LOXL2: variants seen among roughly 807,000 people sequenced by gnomAD.
LOXL2 encodes lysyl oxidase homolog 2.
A neutral mutation model predicts 93.0 loss-of-function variants in LOXL2; 70 were observed. That is an observed-to-expected ratio of 0.75 (90% CI 0.62 to 0.92). The LOEUF is 0.92. LOXL2 is among the 40% of genes least tolerant of loss of function. LOXL2 has a pLI of 0.00. For missense variants in LOXL2, 973 were observed against 1,054.9 expected, an observed-to-expected ratio of 0.92 and a Z score of 1.08; for synonymous variants, 438 against 413.2, an observed-to-expected ratio of 1.06 and a Z score of -0.73.
chr8:23,400,292 G>A (rs1022835700), intron 1 of LOXL2, among the ~76,000 whole-genome samples: 3 of 152,172 alleles, frequency 2.0e-5, no homozygotes, highest in Non-Finnish European at 2.9e-5. Context: ...AATGCCACAT[G>A]GCTGGGGAGG....
intron 9 of LOXL2, chr8:23,316,617 G>A (rs985757090): frequency 3.5e-6 from 1 of 285,898 alleles, no homozygotes; most frequent in African/African-American, 2.2e-5. Context: ...ACCCATGGAA[G>A]ATGTCATCGA....
At chr8:23,326,854 C>A (rs61298918) in intron 6 of LOXL2, among the ~76,000 whole-genome samples, 4 of 152,206 alleles carry the variant, frequency 2.6e-5, no homozygotes, top group African/African-American at 9.6e-5. Flanking sequence ...CAGAGTGCAC[C>A]CCAGACCTCC....
intron 1 of LOXL2, among the ~76,000 whole-genome samples, chr8:23,383,580 A>G (rs950748006): frequency 2.7e-5 from 4 of 148,954 alleles, no homozygotes; most frequent in African/African-American, 1.0e-4. Flanking sequence ...ATTCCTTGTC[A>G]TTTTTCATAT....
chr8:23,401,491 T>C (rs1294090158), intron 1 of LOXL2, among the ~76,000 whole-genome samples: 1 of 152,180 alleles, frequency 6.6e-6, no homozygotes, highest in Non-Finnish European at 1.5e-5. Context: ...ACATGATGTA[T>C]AGGATTTGCT....
rs996548909 is a variant in LOXL2 at position 23,378,028 on chromosome 8, C to T, written c.-83-9594G>A. 2.0e-5 allele frequency among the ~76,000 whole-genome samples: 3 copies of T among 152,156 alleles called. No homozygotes were observed. The East Asian group carries it at 5.8e-4, about 29-fold the overall frequency. On this transcript the variant is annotated intron_variant, in intron 1 of 13. Transcript: ENST00000389131. Reference sequence around the variant, plus strand: ...GCTCATTAGTTGATGTAGTTTCTTCCTAGCATCAATGGTCTTTACAATTTG... The same window carrying T: ...GCTCATTAGTTGATGTAGTTTCTTCTTAGCATCAATGGTCTTTACAATTTG...
At position 23,328,331 on chromosome 8, in the gene LOXL2, G is replaced by A. The variant is rs572440439; in HGVS notation, c.1150+51C>T. 87 of 1,588,204 alleles carry A rather than the reference G, an allele frequency of 5.5e-5. 1 individual carries two copies. Among genetic ancestry groups the A allele is most frequent in the Non-Finnish European group, 5.3e-5 (61 of 1,160,256 alleles). The stretch of plus-strand genomic sequence containing the variant: ...CGGCCAGCAGCCAGGCTGGGCTCAC[G>A]GCACCATGCTCCCAGGAAGAGAGGC... On this transcript the variant is annotated intron_variant, in intron 6 of 13. Coordinates refer to ENST00000389131, the MANE Select transcript of LOXL2 (RefSeq NM_002318.3).
rs1313814967 is a variant in LOXL2 at position 23,317,101 on chromosome 8, C to G, written c.1484G>C (p.Trp495Ser). 4.3e-6 allele frequency: 7 copies of G among 1,614,042 alleles called. No individual in the cohort carries two copies. The highest frequency in any genetic ancestry group is 5.1e-6 in the Non-Finnish European group (6 of 1,180,014). Residue 495 changes from tryptophan (W) to serine (S), a missense_variant, in exon 9 of 14, where the codon TGG (tryptophan) becomes TCG (serine). Transcript: ENST00000389131. ...TTTGTTGCTGTTGACATCTCCGTGC[C>G]AATACCAGGTCTCCTGGAAGAACCA... Reference protein sequence around the residue: ...ASNAFQETWYWHGDVNSNKVV... With the variant: ...ASNAFQETWYSHGDVNSNKVV...
intron 1 of LOXL2, among the ~76,000 whole-genome samples, chr8:23,399,219 C>A (rs1308258641): frequency 6.6e-6 from 1 of 152,140 alleles, no homozygotes; most frequent in Non-Finnish European, 1.5e-5. Flanking sequence ...CCATGCAGAC[C>A]GACCACAAAA....
intron 2 of LOXL2, among the ~76,000 whole-genome samples, chr8:23,361,839 AAAAACAAAACAAAAC>A (rs559148835): frequency 6.8e-6 from 1 of 147,002 alleles, no homozygotes; most frequent in African/African-American, 2.6e-5. Context: ...ACTCCGTCTC[AAAAACAAAACAAAAC>A]AAAACAAAAC....
At chr8:23,326,158 T>G (rs1230564013) in intron 6 of LOXL2, among the ~76,000 whole-genome samples, 1 of 152,236 alleles carries the variant, frequency 6.6e-6, no homozygotes, top group Non-Finnish European at 1.5e-5. Context: ...TTTCCCTTTC[T>G]GCCTACTAGA....
At chr8:23,348,440 C>T (rs1054311963) in intron 3 of LOXL2, among the ~76,000 whole-genome samples, 3 of 134,116 alleles carry the variant, frequency 2.2e-5, no homozygotes, top group African/African-American at 6.9e-5. Context: ...ACGGTGGCAC[C>T]TGCCCATAGT....
chr8:23,303,585 G>C (rs1383824760), intron 10 of LOXL2, among the ~76,000 whole-genome samples, 188 bp from the exon 11 acceptor site: 1 of 152,182 alleles, frequency 6.6e-6, no homozygotes, highest in African/African-American at 2.4e-5. Context: ...TCAGGGCTCT[G>C]GAGTCAGACC....
At chr8:23,370,585 A>G (rs1479926446) in intron 1 of LOXL2, 1 of 152,286 alleles carries the variant, frequency 6.6e-6, no homozygotes, top group Non-Finnish European at 1.5e-5. Context: ...CCGAGGCACC[A>G]AGGACTGAAG....
At chr8:23,316,678 G>T in intron 9 of LOXL2, 2 of 457,296 alleles carry the variant, frequency 4.4e-6, no homozygotes, top group Non-Finnish European at 7.6e-6. Context: ...AGTCTGCCCT[G>T]GGTCACTGCA....
chr8:23,380,501 C>A (rs1376242246), intron 1 of LOXL2, among the ~76,000 whole-genome samples: 2 of 151,828 alleles, frequency 1.3e-5, no homozygotes. Flanking sequence ...TAGTGTTCAA[C>A]TCCTAAATCT....
intron 2 of LOXL2, 86 bp downstream of exon 2, chr8:23,367,911 G>T: frequency 9.2e-7 from 1 of 1,085,752 alleles, no homozygotes; most frequent in Non-Finnish European, 1.4e-6. Flanking sequence ...AGTGCGTGCA[G>T]CCTCCTCTCC....
intron 5 of LOXL2, 53 bp downstream of exon 5, chr8:23,333,348 C>A (rs1803735902): frequency 3.3e-6 from 5 of 1,530,074 alleles, no homozygotes; most frequent in Non-Finnish European, 4.5e-6. Flanking sequence ...TCCCTCAACA[C>A]CCTCCCATCC....
intron 7 of LOXL2, among the ~76,000 whole-genome samples, chr8:23,320,263 C>T (rs1012631828): frequency 2.0e-4 from 31 of 152,336 alleles, no homozygotes; most frequent in Middle Eastern, 3.4e-3. Flanking sequence ...CCCTAAGCAG[C>T]TGGGGAGGCC....
At position 23,368,223 on chromosome 8, in the gene LOXL2, C is replaced by T; in HGVS notation, c.129G>A (p.Glu43=). ...TGGCGGGGGCCTGGGGCTGGTGATA[C>T]TCAGGAGCCGGTTGCTGGAAGTACT... ...YPEYFQQPAP[E]YHQPQAPANV... The change falls in exon 2 of 14, where the codon GAG becomes GAA. Residue 43 remains glutamate (E), a synonymous_variant. Transcript: ENST00000389131. 1.2e-6 allele frequency: 2 copies of T among 1,614,030 alleles called. No homozygotes were observed. Among genetic ancestry groups the T allele is most frequent in the Non-Finnish European group, 1.7e-6 (2 of 1,180,046 alleles).
Sources: gnomAD v4.1 joint callset for allele counts (sites outside exome capture counted in the v4.1 genomes callset) on GRCh38, gnomAD v4.1.1 for gene constraint, MANE v1.5 for transcripts, NCBI Gene and HGNC (gene_info 2026-07-23, HGNC 2026-07-21) for gene names.